Variants in CYFIP1 observed in about 807,000 individuals in gnomAD.
CYFIP1 encodes cytoplasmic FMR1 interacting protein 1, also known as cytoplasmic FMR1-interacting protein 1.
Under a neutral mutation model 163.5 loss-of-function variants are expected in CYFIP1, and 58 were observed. That is an observed-to-expected ratio of 0.35 (90% CI 0.29 to 0.44). CYFIP1 has a LOEUF of 0.44. CYFIP1 is among the 20% of genes least tolerant of loss of function. CYFIP1 has a pLI of 1.00. For missense variants in CYFIP1, 1,338 were observed against 1,653.8 expected, an observed-to-expected ratio of 0.81 and a Z score of 3.31; for synonymous variants, 663 against 660.7, an observed-to-expected ratio of 1.00 and a Z score of -0.05.
At chr15:22,978,843 CAGG>C (rs1567059704) in intron 1 of CYFIP1, among the ~76,000 whole-genome samples, 2 of 152,050 alleles carry the variant, frequency 1.3e-5, no homozygotes, top group Non-Finnish European at 2.9e-5. Flanking sequence ...ATGGGCAAAG[CAGG>C]AGGACTGAGG....
At chr15:22,943,889 G>A (rs904294412) in intron 5 of CYFIP1, among the ~76,000 whole-genome samples, 1 of 152,138 alleles carries the variant, frequency 6.6e-6, no homozygotes, top group African/African-American at 2.4e-5. Context: ...CACCAGGAAT[G>A]GACAGTCAGG....
intron 1 of CYFIP1, among the ~76,000 whole-genome samples, chr15:22,956,800 G>A (rs140439925): frequency 2.8e-4 from 42 of 152,330 alleles, no homozygotes; most frequent in Non-Finnish European, 5.3e-4. Flanking sequence ...GCACACAGCA[G>A]AATGGTGGCT....
At chr15:22,916,711 A>G in intron 15 of CYFIP1, 81 bp from the exon 16 acceptor site, 1 of 1,614,096 alleles carries the variant, frequency 6.2e-7, no homozygotes. Flanking sequence ...AGCCCATGAG[A>G]GAAGGACTGC....
chr15:22,946,774 C>T (rs1017326857), intron 3 of CYFIP1: 12 of 674,198 alleles, frequency 1.8e-5, no homozygotes, highest in East Asian at 8.6e-5. Context: ...ACCCTTGAAA[C>T]GCTGACAAAG....
chr15:22,918,198 G>A (rs924474657), intron 14 of CYFIP1, among the ~76,000 whole-genome samples: 2 of 152,198 alleles, frequency 1.3e-5, no homozygotes, highest in African/African-American at 2.4e-5. Context: ...CAGCAGTGAG[G>A]TGGCTCTGAG....
chr15:22,887,375 C>T (rs2059953755), intron 23 of CYFIP1, among the ~76,000 whole-genome samples: 1 of 152,196 alleles, frequency 6.6e-6, no homozygotes. Flanking sequence ...CATCTTCGCC[C>T]ACACCCCCTC....
chr15:22,881,973 C>T (rs761774017), intron 24 of CYFIP1, 37 bp from the exon 25 acceptor site: 13 of 1,582,606 alleles, frequency 8.2e-6, no homozygotes, highest in Admixed American at 3.4e-5. Flanking sequence ...TCAGCCACCC[C>T]ACTCCGCTCT....
Position 22,917,600 on chromosome 15 carries a change from G to A in CYFIP1, c.1674+188C>T, listed in dbSNP as rs371739311. 4.6e-5 allele frequency: 32 copies of A among 690,166 alleles called. No homozygotes were observed. The highest frequency in any genetic ancestry group is 1.0e-4 in the Admixed American group (3 of 28,574). 42.8% of individuals were successfully genotyped at this position (690,166 alleles called of 1,614,324 possible). A position where few individuals can be genotyped will look rare whatever the true frequency, so the allele number is the denominator to read the frequency against. On this transcript the variant is annotated intron_variant, in intron 15 of 30. Transcript: ENST00000617928. This position sits in a 1 kb window ranked among gnomAD's most constrained non-coding sequence, Gnocchi z 4.2. Reference sequence around the variant, plus strand: ...ATGACACATCTGACAATCAAGGCACGTCTCCTCACGCTCCCAACTCACTTG... The same window carrying A: ...ATGACACATCTGACAATCAAGGCACATCTCCTCACGCTCCCAACTCACTTG...
chr15:22,873,621 G>A lies in CYFIP1; in HGVS notation c.3319C>T (p.Pro1107Ser). Reference protein sequence around the residue: ...LTRIRSFLDDPIWRGPLPSNG... With the variant: ...LTRIRSFLDDSIWRGPLPSNG... ...CTGGGCAGAGGCCCGCGCCAGATGG[G>A]GTCATCCAGAAAGCTCCGGATCCGT... is the stretch of plus-strand genomic sequence containing the variant. Residue 1107 changes from proline (P) to serine (S), a missense_variant, in exon 29 of 31, where the codon CCC becomes TCC. Physicochemically the swap from Pro to Ser is moderately conservative, Grantham distance 74. This residue lies in a region of CYFIP1 where 306 missense variants were observed against 322.1 expected (regional missense o/e 0.95). Transcript: ENST00000617928. 6.2e-7 allele frequency: 1 copy of A among 1,614,242 alleles called. No homozygotes were observed. Among genetic ancestry groups the A allele is most frequent in the African/African-American group, 1.3e-5 (1 of 75,072 alleles).
chr15:22,943,106 T>C lies in CYFIP1; in HGVS notation c.569+67A>G. Reference sequence around the variant, plus strand: ...AGCAAACAAAGACGCACACCTGCTGTGCACAAGGCAGGCCACTGAGCTGGG... The same window carrying C: ...AGCAAACAAAGACGCACACCTGCTGCGCACAAGGCAGGCCACTGAGCTGGG... On this transcript the variant is annotated intron_variant, in intron 6 of 30. Coordinates refer to ENST00000617928, the MANE Select transcript of CYFIP1 (RefSeq NM_014608.6). 5 of 1,494,816 alleles carry C rather than the reference T, an allele frequency of 3.3e-6. No homozygotes were observed. The South Asian group carries it at 6.0e-5, about 18-fold the overall frequency. The allele number at this position is 1,494,816 out of a possible 1,614,324, so 92.6% of individuals were successfully genotyped here.
chr15:22,937,604 GTTTT>G (rs539605936), intron 8 of CYFIP1, among the ~76,000 whole-genome samples: 1 of 140,524 alleles, frequency 7.1e-6, no homozygotes, highest in African/African-American at 2.6e-5. Flanking sequence ...TTCTTTTTTT[GTTTT>G]TTTTTTTTGA....
chr15:22,923,508 C>G (rs2061255988), intron 13 of CYFIP1, among the ~76,000 whole-genome samples: 1 of 152,100 alleles, frequency 6.6e-6, no homozygotes, highest in Non-Finnish European at 1.5e-5. Flanking sequence ...CCCTCACTTA[C>G]TGCTGGTAAG....
At chr15:22,921,856 T>TG (rs2061194103) in intron 13 of CYFIP1, among the ~76,000 whole-genome samples, 1 of 151,274 alleles carries the variant, frequency 6.6e-6, no homozygotes. Context: ...TAAGAGATTA[T>TG]GAAAAAATAC....
At chr15:22,875,419 G>T in intron 26 of CYFIP1, 148 bp from the exon 27 acceptor site, 1 of 748,432 alleles carries the variant, frequency 1.3e-6, no homozygotes, top group Non-Finnish European at 2.3e-6. Flanking sequence ...CTGGGATGAT[G>T]GAAATGCTTC....
intron 23 of CYFIP1, among the ~76,000 whole-genome samples, chr15:22,887,582 G>A (rs1418042565): frequency 2.6e-5 from 4 of 152,174 alleles, no homozygotes; most frequent in Admixed American, 6.5e-5. Flanking sequence ...GCTGTCAGAG[G>A]AGGCATCACT....
At chr15:22,930,797 T>C (rs1447666306) in intron 11 of CYFIP1, among the ~76,000 whole-genome samples, 1 of 152,118 alleles carries the variant, frequency 6.6e-6, no homozygotes. Flanking sequence ...AAGTAAAAAG[T>C]TTATAAAGTA....
intron 13 of CYFIP1, among the ~76,000 whole-genome samples, chr15:22,925,016 A>AGT (rs1368977954): frequency 6.6e-6 from 1 of 152,160 alleles, no homozygotes; most frequent in Non-Finnish European, 1.5e-5. Flanking sequence ...AGGCCAAAAC[A>AGT]GTGGTTTTTA....
intron 1 of CYFIP1, among the ~76,000 whole-genome samples, chr15:22,969,433 G>A (rs574826206): frequency 1.9e-4 from 29 of 152,162 alleles, no homozygotes; most frequent in Non-Finnish European, 3.8e-4. Context: ...AAACCAACAC[G>A]ATGGTGAAAA....
In CYFIP1 at chr15:22,868,686, C is replaced by CTT. The variant is rs2059325170; in HGVS notation, c.*1340_*1341dup. 1.4e-5 allele frequency: 2 copies of CTT among 147,946 alleles called. No homozygotes were observed. Among genetic ancestry groups the CTT allele is most frequent in the East Asian group, 2.0e-4 (1 of 5,026 alleles). The allele number at this position is 147,946 out of a possible 1,614,324, so 9.2% of individuals were successfully genotyped here. ...AACAGGATGGTTCGTACACTTACTACTTTTCTGTGCCGTGCATCATATGCT... is the reference window on the plus strand; with the variant it reads ...AACAGGATGGTTCGTACACTTACTACTTTTTTCTGTGCCGTGCATCATATGCT... On this transcript the variant is annotated 3_prime_UTR_variant, in exon 31 of 31. Transcript: ENST00000617928.
Sources: allele counts gnomAD v4.1 joint callset (sites outside exome capture counted in the v4.1 genomes callset), GRCh38; gene constraint gnomAD v4.1.1; regional missense constraint gnomAD v4.1.1; non-coding constraint Gnocchi (gnomAD v3.1); transcripts MANE v1.5; gene names NCBI Gene and HGNC (gene_info 2026-07-23, HGNC 2026-07-21).